LRRIQ1: variants seen among roughly 807,000 people sequenced by gnomAD.
LRRIQ1 encodes the protein leucine-rich repeat- and IQ domain-containing protein 1.
A neutral mutation model predicts 211.9 loss-of-function variants in LRRIQ1; 210 were observed. The observed-to-expected ratio is 0.99, with a 90% CI of 0.89 to 1.11. The LOEUF (loss-of-function observed/expected upper bound fraction) is 1.11, where lower values mean the gene tolerates loss of function less well. LRRIQ1 is among the 50% of genes most tolerant of loss of function. LRRIQ1 has a pLI of 0.00. For missense variants in LRRIQ1, 2,136 were observed against 1,939.5 expected (o/e 1.10, Z -1.90); for synonymous variants, 699 against 650.1 (o/e 1.08, Z -1.14).
rs745990721 is a variant in LRRIQ1, at chr12:85,056,522, G to A, written c.1729G>A (p.Asp577Asn). The change falls in exon 8 of 27, where the codon GAT (aspartate) becomes AAT (asparagine). Residue 577 changes from aspartate to asparagine, a missense_variant. Transcript: ENST00000393217. ...KTNEEQKIIK[D>N]NQQKKIQKVE... is the part of the protein sequence containing the mutation. ...CAATGAAGAGCAGAAAATAATCAAA[G>A]ATAATCAGCAGAAAAAGATACAAAA... 9.3e-6 allele frequency: 15 copies of A among 1,611,408 alleles called. No homozygotes were observed. The African/African-American group carries it at 2.0e-4, about 22-fold the overall frequency.
intron 11 of LRRIQ1, among the ~76,000 whole-genome samples, chr12:85,080,938 C>T (rs1884217132): frequency 6.6e-6 from 1 of 151,774 alleles, no homozygotes; most frequent in Non-Finnish European, 1.5e-5. Flanking sequence ...CAATTAGAGG[C>T]TAGTATATTA....
intron 24 of LRRIQ1, among the ~76,000 whole-genome samples, chr12:85,192,778 T>C (rs1383174390): frequency 7.1e-5 from 4 of 56,202 alleles, no homozygotes; most frequent in Middle Eastern, 0.038. Context: ...ACTATAATTA[T>C]ATATAAATAT....
intron 24 of LRRIQ1, among the ~76,000 whole-genome samples, chr12:85,219,509 G>A (rs1894301921): frequency 6.6e-6 from 1 of 151,814 alleles, no homozygotes; most frequent in African/African-American, 2.4e-5. Flanking sequence ...TACACTTTAT[G>A]TACTATCCCA....
intron 15 of LRRIQ1, among the ~76,000 whole-genome samples, chr12:85,118,378 AGTTT>A (rs1468394661): frequency 6.6e-6 from 1 of 152,084 alleles, no homozygotes; most frequent in Non-Finnish European, 1.5e-5. Context: ...AAACAAATCC[AGTTT>A]ATTTCCCTCT....
At chr12:85,248,913 A>C (rs1895815956), downstream of LRRIQ1, among the ~76,000 whole-genome samples, 1 of 151,798 alleles carries the variant, frequency 6.6e-6, no homozygotes, top group South Asian at 2.1e-4. Flanking sequence ...AAGTAATATA[A>C]GGTTGGATGA....
chr12:85,195,931 C>T (rs75655961), intron 24 of LRRIQ1, among the ~76,000 whole-genome samples: 33,832 of 150,248 alleles, frequency 0.23, 4,293 homozygotes, highest in Admixed American at 0.31. Context: ...AAAACCCCAT[C>T]GTCTCAGCCC....
chr12:85,166,357 T>C (rs1200305775), intron 24 of LRRIQ1, among the ~76,000 whole-genome samples: 1 of 152,206 alleles, frequency 6.6e-6, no homozygotes, highest in Non-Finnish European at 1.5e-5. Flanking sequence ...GCTGCTGTCA[T>C]CACTAACATG....
intron 24 of LRRIQ1, among the ~76,000 whole-genome samples, chr12:85,199,815 C>T (rs539492935): frequency 1.2e-4 from 19 of 152,224 alleles, no homozygotes; most frequent in East Asian, 3.9e-4. Flanking sequence ...CACCTGGTAC[C>T]GCCCTTGAAA....
chr12:85,146,159 T>G (rs538284444), intron 19 of LRRIQ1, among the ~76,000 whole-genome samples: 9 of 151,778 alleles, frequency 5.9e-5, no homozygotes, highest in Non-Finnish European at 1.3e-4. Context: ...CAGGAAGGAA[T>G]TACAGGACAA....
chr12:85,262,947 A>G, exon 2 of LRRIQ1: 2 of 986,878 alleles, frequency 2.0e-6, no homozygotes, highest in Non-Finnish European at 2.4e-6. Context: ...AATATCGCCA[A>G]TAATAACAAA....
chr12:85,225,176 T>A (rs746967276), intron 24 of LRRIQ1, among the ~76,000 whole-genome samples: 85 of 152,252 alleles, frequency 5.6e-4, no homozygotes, highest in South Asian at 1.0e-3. Flanking sequence ...TATAACAGTT[T>A]ATATTATATT....
intron 18 of LRRIQ1, among the ~76,000 whole-genome samples, chr12:85,133,580 G>A (rs1888920482): frequency 6.6e-6 from 1 of 152,118 alleles, no homozygotes; most frequent in Admixed American, 6.6e-5. Flanking sequence ...ATTGAAACAG[G>A]TTTCTTCCAG....
chr12:85,188,197 T>TA, intron 24 of LRRIQ1, among the ~76,000 whole-genome samples: 1 of 151,764 alleles, frequency 6.6e-6, no homozygotes, highest in East Asian at 1.9e-4. Context: ...TATATTAGAG[T>TA]AACAACCAAA....
rs765912320 is a variant in LRRIQ1 at position 85,056,411 on chromosome 12, A to G, written c.1618A>G (p.Ile540Val). ...GTCTGATGCACAAAAAGAAGAAAAA[A>G]TCATGAAACATGTCATAAATGAGAA... ...LKSDAQKEEK[I>V]MKHVINENTG... Residue 540 changes from isoleucine (I) to valine (V), a missense_variant, in exon 8 of 27, where the codon ATC (isoleucine) becomes GTC (valine). Ile to Val is a conservative substitution (Grantham distance 29, BLOSUM62 3). Coordinates refer to ENST00000393217, the MANE Select transcript of LRRIQ1 (RefSeq NM_001079910.2). 1 of 1,588,364 alleles carries G rather than the reference A, an allele frequency of 6.3e-7. No individual in the cohort carries two copies.
At chr12:85,113,389 A>G (rs995000346) in intron 15 of LRRIQ1, among the ~76,000 whole-genome samples, 2 of 152,056 alleles carry the variant, frequency 1.3e-5, no homozygotes, top group African/African-American at 4.8e-5. Context: ...AGATCTGTTA[A>G]ATTGAGAAAT....
chr12:85,101,513 C>T (rs758292796), intron 13 of LRRIQ1, among the ~76,000 whole-genome samples: 1 of 151,638 alleles, frequency 6.6e-6, no homozygotes. Context: ...TTTTAATGCC[C>T]AGGGCTAATG....
intron 2 of LRRIQ1, 31 bp from the exon 3 acceptor site, chr12:85,040,459 T>C: frequency 1.5e-6 from 2 of 1,333,294 alleles, no homozygotes; most frequent in Non-Finnish European, 2.1e-6. Context: ...ATAAACACTT[T>C]CACAGTTTCT....
chr12:85,165,032 C>T (rs1345960513), intron 24 of LRRIQ1, among the ~76,000 whole-genome samples: 1 of 151,928 alleles, frequency 6.6e-6, no homozygotes, highest in African/African-American at 2.4e-5. Flanking sequence ...GATTTGTGAC[C>T]TATAGTTAGC....
At chr12:85,057,695 G>T (rs1466372893) in intron 8 of LRRIQ1, among the ~76,000 whole-genome samples, 3 of 151,816 alleles carry the variant, frequency 2.0e-5, no homozygotes, top group Non-Finnish European at 2.9e-5. Flanking sequence ...ATTTAAAGGT[G>T]GTGCATATAT....
Sources: allele counts gnomAD v4.1 joint callset (sites outside exome capture counted in the v4.1 genomes callset), GRCh38; gene constraint gnomAD v4.1.1; transcripts MANE v1.5; gene names NCBI Gene and HGNC (gene_info 2026-07-23, HGNC 2026-07-21).